The following WDR7 variants were observed in gnomAD, a reference collection of about 807,000 sequenced individuals.
WDR7 encodes the protein WD repeat-containing protein 7.
A neutral mutation model predicts 169.4 loss-of-function variants in WDR7; 46 were observed. That is an observed-to-expected ratio of 0.27 (90% CI 0.21 to 0.35). The LOEUF (loss-of-function observed/expected upper bound fraction) is 0.35. Ranked by LOEUF, WDR7 falls within the 10% of genes least tolerant of loss-of-function variation. The pLI, the probability that WDR7 is intolerant of heterozygous loss-of-function variation, is 1.00. For synonymous variants in WDR7, 612 were observed against 666.8 expected (o/e 0.92, Z 1.27); for missense variants, 1,534 against 1,859.3 (o/e 0.83, Z 3.22).
intron 20 of WDR7, among the ~76,000 whole-genome samples, chr18:56,829,216 C>T (rs1354919516): frequency 6.6e-6 from 1 of 151,270 alleles, no homozygotes. Context: ...TATGATTGCA[C>T]CACTGCACTG....
intron 25 of WDR7, among the ~76,000 whole-genome samples, chr18:56,954,720 A>G (rs577650387): frequency 2.7e-4 from 41 of 152,272 alleles, no homozygotes; most frequent in African/African-American, 9.4e-4. Context: ...AATTGGATAT[A>G]TATTAGAATA....
At position 56,997,781 on chromosome 18, in the gene WDR7, G is replaced by A. The variant is rs552237478; in HGVS notation, c.4165-22964G>A. On this transcript the variant is annotated intron_variant, in intron 26 of 27. Transcript: ENST00000254442. ...GAGTATAAACAGATGAGCAAATAGC[G>A]GCCTATAACAGTGGGATGTAAAATG... Among the ~76,000 whole-genome samples the A allele has an allele frequency of 2.5e-4, 38 of 152,172 alleles. No homozygotes were observed. The East Asian group carries it at 6.2e-3, about 25-fold the overall frequency.
intron 16 of WDR7, among the ~76,000 whole-genome samples, chr18:56,763,409 A>G (rs2044011160): frequency 6.6e-6 from 1 of 152,256 alleles, no homozygotes; most frequent in Admixed American, 6.5e-5. Context: ...AAGACAAAGT[A>G]TATTGACTTT....
intron 7 of WDR7, among the ~76,000 whole-genome samples, chr18:56,687,444 C>T (rs1450973710): frequency 2.6e-5 from 4 of 152,124 alleles, no homozygotes; most frequent in Admixed American, 2.6e-4. Context: ...AGAAAAATAG[C>T]ATGTTTTGGG....
chr18:57,002,114 T>C (rs954474787), intron 26 of WDR7, among the ~76,000 whole-genome samples: 4 of 152,172 alleles, frequency 2.6e-5, no homozygotes, highest in African/African-American at 9.6e-5. Flanking sequence ...AATATCTATA[T>C]TTTTAAATAA....
At chr18:56,762,607 T>C (rs140316607) in intron 16 of WDR7, among the ~76,000 whole-genome samples, 2,011 of 152,150 alleles carry the variant, frequency 0.013, 20 homozygotes, top group East Asian at 0.033. Context: ...TGTCCTTGTT[T>C]TTATTCCTGA....
intron 19 of WDR7, among the ~76,000 whole-genome samples, chr18:56,807,869 AGTG>A (rs1173368473): frequency 6.6e-6 from 1 of 152,148 alleles, no homozygotes; most frequent in Admixed American, 6.6e-5. Context: ...GATAAATTGA[AGTG>A]GTCTTTATTC....
rs1328798306 is a variant in WDR7, at chr18:56,719,569, A to AAACAACAACAACAAAAAAAAAAACAAAC, written c.1774+1412_1774+1413insCAACAACAACAAAAAAAAAAACAAACAA. On this transcript the variant is annotated intron_variant, in intron 13 of 27. Coordinates refer to ENST00000254442, the MANE Select transcript of WDR7 (RefSeq NM_015285.3). ...ACAGCGAGACTCTGTCTCAAAAAAA[A>AAACAACAACAACAAAAAAAAAAACAAAC]AAAAAAAAAACAGAATTGCTGTCAT... Among the ~76,000 whole-genome samples the AAACAACAACAACAAAAAAAAAAACAAAC allele has an allele frequency of 2.0e-4, 31 of 152,086 alleles. No homozygotes were observed. In the South Asian group the frequency reaches 6.0e-3, roughly 30 times the overall value.
chr18:56,760,022 G>A (rs879361867), intron 16 of WDR7, among the ~76,000 whole-genome samples: 115 of 152,056 alleles, frequency 7.6e-4, no homozygotes, highest in Non-Finnish European at 1.2e-3. Context: ...AACCCACACA[G>A]TCACCCTTCT....
At chr18:56,711,805 C>G (rs1465632313) in intron 12 of WDR7, among the ~76,000 whole-genome samples, 1 of 151,546 alleles carries the variant, frequency 6.6e-6, no homozygotes, top group Non-Finnish European at 1.5e-5. Context: ...CTGTTTTTTC[C>G]CCTTCAGGTA....
chr18:56,816,073 C>T lies in WDR7; in HGVS notation c.3233C>T (p.Pro1078Leu), dbSNP rs984863825. ...SEAAQTITTA[P>L]DASGPEAKVQ... ...GCCGCGCAGACTATCACCACGGCTC[C>T]TGATGCCTCAGGGCCTGAAGCAAAA... Residue 1078 changes from proline to leucine, a missense_variant, in exon 20 of 28, where the codon CCT (proline) becomes CTT (leucine). By Grantham distance (98) the Pro-to-Leu change is moderately conservative. Coordinates refer to ENST00000254442, the MANE Select transcript of WDR7 (RefSeq NM_015285.3). 12 of 1,613,706 alleles carry T rather than the reference C, an allele frequency of 7.4e-6. No homozygotes were observed. In the East Asian group the frequency reaches 8.9e-5, roughly 12 times the overall value.
At chr18:56,895,934 C>G (rs1242809838) in intron 21 of WDR7, among the ~76,000 whole-genome samples, 1 of 151,366 alleles carries the variant, frequency 6.6e-6, no homozygotes. Flanking sequence ...ATGAATATAC[C>G]AGAGATAAAT....
At chr18:56,930,722 A>T (rs1231844913) in intron 22 of WDR7, among the ~76,000 whole-genome samples, 1 of 152,208 alleles carries the variant, frequency 6.6e-6, no homozygotes, top group Non-Finnish European at 1.5e-5. Flanking sequence ...TGTGTTTTTA[A>T]AGTCATTTTA....
At chr18:56,806,004 TC>T (rs2044767582) in intron 19 of WDR7, among the ~76,000 whole-genome samples, 1 of 152,196 alleles carries the variant, frequency 6.6e-6, no homozygotes, top group Non-Finnish European at 1.5e-5. Flanking sequence ...TAGTGTCATT[TC>T]TTTGTGAATT....
chr18:57,019,425 G>A (rs2048254736), intron 26 of WDR7, among the ~76,000 whole-genome samples: 1 of 152,168 alleles, frequency 6.6e-6, no homozygotes, highest in Non-Finnish European at 1.5e-5. Flanking sequence ...AGGTTCCACA[G>A]TTAATACGTA....
At chr18:56,730,752 C>T (rs557962894) in intron 13 of WDR7, among the ~76,000 whole-genome samples, 7 of 151,502 alleles carry the variant, frequency 4.6e-5, no homozygotes, top group South Asian at 2.1e-4. Flanking sequence ...GGCGACAGAG[C>T]GAGATTCTGT....
chr18:56,806,585 T>G (rs552113915), intron 19 of WDR7, among the ~76,000 whole-genome samples: 3 of 152,274 alleles, frequency 2.0e-5, no homozygotes, highest in African/African-American at 7.2e-5. Context: ...TTGGCCTCAT[T>G]GCTACCTTCA....
intron 1 of WDR7, among the ~76,000 whole-genome samples, chr18:56,668,409 A>G (rs1442089367): frequency 6.6e-6 from 1 of 152,180 alleles, no homozygotes; most frequent in African/African-American, 2.4e-5. Context: ...TCCTGGACCC[A>G]TTGAAGTCTA....
Position 56,903,520 on chromosome 18 carries a change from A to C in WDR7, c.3527-20402A>C, listed in dbSNP as rs2046432124. Among the ~76,000 whole-genome samples, 3 of 152,192 alleles carry C rather than the reference A, an allele frequency of 2.0e-5. No individual in the cohort carries two copies. The South Asian group carries it at 6.2e-4, about 32-fold the overall frequency. ...CTGCAGCCTCCGCCACCTGGGTTCA[A>C]GTGATTCTTCTGCCTCAGCCTCCCG... On this transcript the variant is annotated intron_variant, in intron 21 of 27. Transcript: ENST00000254442.
Sources: allele counts gnomAD v4.1 joint callset (sites outside exome capture counted in the v4.1 genomes callset), GRCh38; gene constraint gnomAD v4.1.1; transcripts MANE v1.5; gene names NCBI Gene and HGNC (gene_info 2026-07-23, HGNC 2026-07-21).